Variants in MAGI2 observed in about 807,000 individuals in gnomAD.
MAGI2 encodes membrane-associated guanylate kinase, WW and PDZ domain-containing protein 2.
Under a neutral mutation model 133.3 loss-of-function variants are expected in MAGI2, and 35 were observed. That is an observed-to-expected ratio of 0.26 (90% CI 0.20 to 0.35). The LOEUF (loss-of-function observed/expected upper bound fraction) is 0.35, where lower values mean the gene tolerates loss of function less well. Ranked by LOEUF, MAGI2 falls within the 10% of genes least tolerant of loss-of-function variation. The pLI is 1.00. For synonymous variants in MAGI2, 729 were observed against 710.6 expected (o/e 1.03, Z -0.41); for missense variants, 1,636 against 1,863.4 (o/e 0.88, Z 2.25).
At chr7:79,028,628 T>G (rs1810262678) in intron 1 of MAGI2, among the ~76,000 whole-genome samples, 1 of 152,058 alleles carries the variant, frequency 6.6e-6, no homozygotes, top group Non-Finnish European at 1.5e-5. Context: ...AAAATTAATT[T>G]TTTGCCTAAT....
chr7:78,997,220 T>C (rs1472975728), intron 2 of MAGI2, among the ~76,000 whole-genome samples: 1 of 152,130 alleles, frequency 6.6e-6, no homozygotes, highest in East Asian at 1.9e-4. Context: ...AAAGCAACTT[T>C]CTTGCCTTTA....
rs139483084 is a variant in MAGI2 at position 79,198,475 on chromosome 7, C to T, written c.302-191269G>A. ...ACTGCACTTCTCATTTGCTTGTCAC[C>T]TTGGCAATGCAGTGGCAGGATACAA... On this transcript the variant is annotated intron_variant, in intron 1 of 21. Coordinates refer to ENST00000354212, the MANE Select transcript of MAGI2 (RefSeq NM_012301.4). Among the ~76,000 whole-genome samples, 511 of 151,974 alleles carry T rather than the reference C, an allele frequency of 3.4e-3. 8 individuals carry two copies. Among genetic ancestry groups the T allele is most frequent in the Admixed American group, 0.026 (390 of 15,244 alleles).
intron 2 of MAGI2, among the ~76,000 whole-genome samples, chr7:78,633,738 C>G (rs952627090): frequency 4.7e-5 from 7 of 148,300 alleles, no homozygotes; most frequent in African/African-American, 1.5e-4. Context: ...TGAGAGAATG[C>G]TGTGGTGTGA....
At position 79,191,516 on chromosome 7, in the gene MAGI2, C is replaced by T. The variant is rs1401759971; in HGVS notation, c.302-184310G>A. Among the ~76,000 whole-genome samples the T allele has an allele frequency of 2.9e-5, 4 of 135,644 alleles. No individual in the cohort carries two copies. In the South Asian group the frequency reaches 7.7e-4, roughly 26 times the overall value. The allele number at this position is 135,644 out of a possible 152,430, so 89.0% of individuals were successfully genotyped here. On this transcript the variant is annotated intron_variant, in intron 1 of 21. Transcript: ENST00000354212. ...TTATGAAGCCTGTAACTCTTGGGCTCAAGTGATCCTCCTGCCTCAGCCTCC... is the reference window on the plus strand; with the variant it reads ...TTATGAAGCCTGTAACTCTTGGGCTTAAGTGATCCTCCTGCCTCAGCCTCC...
chr7:78,667,828 G>C (rs1813812235), intron 2 of MAGI2, among the ~76,000 whole-genome samples: 1 of 152,016 alleles, frequency 6.6e-6, no homozygotes, highest in Non-Finnish European at 1.5e-5. Context: ...CTTTGCTATT[G>C]TGAATAGTAC....
intron 21 of MAGI2, among the ~76,000 whole-genome samples, chr7:78,056,694 G>A (rs1812610954): frequency 6.6e-6 from 1 of 152,116 alleles, no homozygotes; most frequent in Admixed American, 6.5e-5. Flanking sequence ...AGAGCATCAG[G>A]AAGAACAGCT....
chr7:78,384,293 A>C (rs1795190428), intron 6 of MAGI2, among the ~76,000 whole-genome samples: 2 of 152,196 alleles, frequency 1.3e-5, no homozygotes, highest in Admixed American at 6.5e-5. Flanking sequence ...TGAGCTAAGC[A>C]CTGTGCTGGG....
At chr7:79,331,100 G>A (rs1840040215) in intron 1 of MAGI2, among the ~76,000 whole-genome samples, 1 of 152,170 alleles carries the variant, frequency 6.6e-6, no homozygotes, top group Non-Finnish European at 1.5e-5. Flanking sequence ...TCTAGAGGAT[G>A]TGAGTGCGTA....
chr7:78,664,921 CTTACT>C (rs1813382477), intron 2 of MAGI2, among the ~76,000 whole-genome samples: 1 of 151,062 alleles, frequency 6.6e-6, no homozygotes, highest in Admixed American at 6.6e-5. Context: ...TTCATTCTTC[CTTACT>C]TTATTCTATG....
intron 1 of MAGI2, among the ~76,000 whole-genome samples, chr7:79,214,721 A>G (rs1225614676): frequency 2.2e-5 from 3 of 138,322 alleles, no homozygotes; most frequent in African/African-American, 8.3e-5. Context: ...AAATATAAAT[A>G]TATAAATATA....
At chr7:78,202,437 C>G (rs1344234392) in intron 10 of MAGI2, among the ~76,000 whole-genome samples, 2 of 152,058 alleles carry the variant, frequency 1.3e-5, no homozygotes, top group African/African-American at 4.8e-5. Flanking sequence ...AATTCCAGCA[C>G]TTTGGGAGGC....
chr7:78,042,240 G>C (rs10230671), intron 21 of MAGI2, among the ~76,000 whole-genome samples: 8,344 of 152,242 alleles, frequency 0.055, 345 homozygotes, highest in African/African-American at 0.12. Flanking sequence ...CAGTGGTTGA[G>C]GAATATGTTC....
intron 1 of MAGI2, among the ~76,000 whole-genome samples, chr7:79,246,111 G>A (rs1344738801): frequency 6.6e-6 from 1 of 152,224 alleles, no homozygotes; most frequent in Non-Finnish European, 1.5e-5. Context: ...TATAGCTGCA[G>A]TGAAGAAAAA....
chr7:78,095,826 G>T (rs1817643187), intron 20 of MAGI2, among the ~76,000 whole-genome samples: 1 of 152,156 alleles, frequency 6.6e-6, no homozygotes. Flanking sequence ...TTTGGCTGTG[G>T]CATGAGTCAT....
intron 21 of MAGI2, among the ~76,000 whole-genome samples, chr7:78,064,791 A>G (rs1462470057): frequency 6.6e-6 from 1 of 152,154 alleles, no homozygotes; most frequent in East Asian, 1.9e-4. Flanking sequence ...CTAGGGATGT[A>G]TTTCAGGGGT....
intron 3 of MAGI2, among the ~76,000 whole-genome samples, chr7:78,624,167 GTTAT>G (rs895927881): frequency 6.6e-6 from 1 of 151,900 alleles, no homozygotes; most frequent in Non-Finnish European, 1.5e-5. Flanking sequence ...TTTTAATGCA[GTTAT>G]TTTTTTCTTG....
At chr7:78,750,979 G>A (rs1380291859) in intron 2 of MAGI2, among the ~76,000 whole-genome samples, 2 of 152,104 alleles carry the variant, frequency 1.3e-5, no homozygotes, top group Non-Finnish European at 2.9e-5. Flanking sequence ...AATCCTAAGA[G>A]TAAATAATGT....
At position 78,553,105 on chromosome 7, in the gene MAGI2, A is replaced by C. The variant is rs540062038; in HGVS notation, c.539-31460T>G. ...AATCAACTTTAAATTAAAAAAAAAA[A>C]AAACAAACACCAAAGTGTATTCCAG... is the stretch of plus-strand genomic sequence containing the variant. On this transcript the variant is annotated intron_variant, in intron 3 of 21. Transcript: ENST00000354212. Among the ~76,000 whole-genome samples the C allele has an allele frequency of 2.6e-3, 402 of 151,782 alleles. 2 individuals are homozygous for C. Among genetic ancestry groups the C allele is most frequent in the African/African-American group, 8.8e-3 (363 of 41,354 alleles).
chr7:79,081,944 ATGTGTAAGTT>A (rs1484755307), intron 1 of MAGI2, among the ~76,000 whole-genome samples: 1 of 152,126 alleles, frequency 6.6e-6, no homozygotes, highest in Non-Finnish European at 1.5e-5. Context: ...ATGAACATTC[ATGTGTAAGTT>A]TTCTGTTGAC....
Sources: allele counts gnomAD v4.1 joint callset (sites outside exome capture counted in the v4.1 genomes callset), GRCh38; gene constraint gnomAD v4.1.1; transcripts MANE v1.5; gene names NCBI Gene and HGNC (gene_info 2026-07-23, HGNC 2026-07-21).